Variants in SUCLG2 observed in about 807,000 individuals in gnomAD.
SUCLG2 encodes the protein succinate-CoA ligase GDP-forming subunit beta.
A neutral mutation model predicts 47.9 loss-of-function variants in SUCLG2; 42 were observed. The observed-to-expected ratio is 0.88, with a 90% CI of 0.69 to 1.14. SUCLG2 has a LOEUF of 1.14. Ranked by LOEUF, SUCLG2 falls within the 50% of genes most tolerant of loss-of-function variation. SUCLG2 has a pLI of 0.00. For missense variants in SUCLG2, 571 were observed against 525.9 expected, an observed-to-expected ratio of 1.09 and a Z score of -0.84; for synonymous variants, 195 against 197.3, an observed-to-expected ratio of 0.99 and a Z score of 0.10.
At chr3:67,483,154 C>G (rs1457677635) in intron 9 of SUCLG2, among the ~76,000 whole-genome samples, 1 of 151,874 alleles carries the variant, frequency 6.6e-6, no homozygotes, top group Non-Finnish European at 1.5e-5. Flanking sequence ...CATTGATATT[C>G]AGAAAGGACC....
intron 1 of SUCLG2, among the ~76,000 whole-genome samples, chr3:67,612,990 G>A (rs1358325697): frequency 6.6e-6 from 1 of 152,330 alleles, no homozygotes. Flanking sequence ...TGGAAGAGGT[G>A]TACATAACAA....
intron 4 of SUCLG2, 79 bp from the exon 5 acceptor site, chr3:67,520,713 C>G (rs926464187): frequency 1.3e-6 from 2 of 1,490,130 alleles, no homozygotes; most frequent in South Asian, 1.3e-5. Context: ...ACTTGCTACA[C>G]GAATCAAATG....
intron 4 of SUCLG2, among the ~76,000 whole-genome samples, chr3:67,524,707 C>T (rs990201770): frequency 3.3e-5 from 5 of 152,058 alleles, no homozygotes; most frequent in African/African-American, 1.2e-4. Context: ...CCGCTAAGTA[C>T]AAATAAAAGC....
chr3:67,650,888 C>A (rs1185081027), intron 1 of SUCLG2, among the ~76,000 whole-genome samples: 1 of 152,158 alleles, frequency 6.6e-6, no homozygotes, highest in East Asian at 1.9e-4. Context: ...ACTTAAGAAC[C>A]ATTTCAAACT....
chr3:67,613,595 A>G (rs1055737834), intron 1 of SUCLG2, among the ~76,000 whole-genome samples: 2 of 152,200 alleles, frequency 1.3e-5, no homozygotes, highest in Non-Finnish European at 1.5e-5. Context: ...AAGGATGGAC[A>G]TATACCAAGT....
At chr3:67,513,376 TG>T (rs1443178814) in intron 6 of SUCLG2, among the ~76,000 whole-genome samples, 3 of 152,264 alleles carry the variant, frequency 2.0e-5, no homozygotes, top group African/African-American at 7.2e-5. Flanking sequence ...GGATATTTTC[TG>T]TTTTAATTTT....
At chr3:67,536,424 C>T (rs988781019) in intron 2 of SUCLG2, among the ~76,000 whole-genome samples, 4 of 152,186 alleles carry the variant, frequency 2.6e-5, no homozygotes. Flanking sequence ...TGATAGGCGC[C>T]CTCACAGGCA....
intron 2 of SUCLG2, among the ~76,000 whole-genome samples, chr3:67,575,821 T>C (rs1337369751): frequency 6.6e-6 from 1 of 152,054 alleles, no homozygotes; most frequent in East Asian, 1.9e-4. Flanking sequence ...AACCTAAGAA[T>C]AAAAAAAGTC....
At chr3:67,461,763 G>A (rs1012766613) in intron 9 of SUCLG2, among the ~76,000 whole-genome samples, 1 of 152,032 alleles carries the variant, frequency 6.6e-6, no homozygotes, top group African/African-American at 2.4e-5. Flanking sequence ...AATGTCCCCT[G>A]GGAGGTAGCA....
At chr3:67,544,029 A>G (rs1253747545) in intron 2 of SUCLG2, among the ~76,000 whole-genome samples, 8 of 152,224 alleles carry the variant, frequency 5.3e-5, no homozygotes, top group Non-Finnish European at 1.2e-4. Flanking sequence ...GTGGCAGGAA[A>G]ATGTTTTGCC....
At chr3:67,572,552 C>T (rs1223886837) in intron 2 of SUCLG2, among the ~76,000 whole-genome samples, 1 of 152,044 alleles carries the variant, frequency 6.6e-6, no homozygotes, top group Non-Finnish European at 1.5e-5. Flanking sequence ...GCAGCTATAC[C>T]CTGCACAGTA....
chr3:67,424,452 G>A (rs970939209), intron 9 of SUCLG2, among the ~76,000 whole-genome samples: 3 of 152,132 alleles, frequency 2.0e-5, no homozygotes, highest in Non-Finnish European at 4.4e-5. Flanking sequence ...TGGAACTGTT[G>A]CTCTCTGTAG....
intron 2 of SUCLG2, among the ~76,000 whole-genome samples, chr3:67,601,942 C>T (rs1041800076): frequency 1.3e-5 from 2 of 151,866 alleles, no homozygotes; most frequent in African/African-American, 4.8e-5. Context: ...AGATCGCACC[C>T]CCCAACTCCA....
intron 9 of SUCLG2, among the ~76,000 whole-genome samples, chr3:67,406,533 G>C (rs1037528860): frequency 1.3e-5 from 2 of 152,150 alleles, no homozygotes; most frequent in African/African-American, 2.4e-5. Context: ...AGGGCAGGTA[G>C]ATCAAGATTA....
At chr3:67,537,052 T>C (rs1021734868) in intron 2 of SUCLG2, among the ~76,000 whole-genome samples, 2 of 152,232 alleles carry the variant, frequency 1.3e-5, no homozygotes, top group Non-Finnish European at 2.9e-5. Context: ...AGTATACTTT[T>C]TAAAATTATA....
intron 2 of SUCLG2, among the ~76,000 whole-genome samples, chr3:67,591,365 T>C (rs937653407): frequency 1.8e-4 from 27 of 152,302 alleles, no homozygotes; most frequent in East Asian, 5.8e-4. Flanking sequence ...TGGACTGAGA[T>C]TGAAAAAGTC....
chr3:67,604,098 TA>T (rs1387760306), intron 2 of SUCLG2, among the ~76,000 whole-genome samples: 2 of 152,210 alleles, frequency 1.3e-5, no homozygotes, highest in African/African-American at 4.8e-5. Flanking sequence ...ATCCATTTTC[TA>T]TGCAAGAAAA....
intron 10 of SUCLG2, among the ~76,000 whole-genome samples, chr3:67,376,867 G>A (rs1169829834): frequency 2.0e-5 from 3 of 152,206 alleles, no homozygotes; most frequent in African/African-American, 7.2e-5. Context: ...GCTGGTGAAA[G>A]TCCTCTCTGG....
intron 2 of SUCLG2, among the ~76,000 whole-genome samples, chr3:67,604,868 T>G (rs996223723): frequency 1.3e-5 from 2 of 152,222 alleles, no homozygotes; most frequent in Non-Finnish European, 2.9e-5. Context: ...AAATGTCATT[T>G]CAAAACACAT....
Sources: allele counts gnomAD v4.1 joint callset (sites outside exome capture counted in the v4.1 genomes callset), GRCh38; gene constraint gnomAD v4.1.1; transcripts MANE v1.5; gene names NCBI Gene and HGNC (gene_info 2026-07-23, HGNC 2026-07-21).